The following TRIP12 variants were observed in gnomAD, a reference collection of about 807,000 sequenced individuals.
TRIP12 encodes E3 ubiquitin-protein ligase TRIP12.
A neutral mutation model predicts 244.2 loss-of-function variants in TRIP12; 25 were observed. The ratio of observed to expected loss-of-function variants is 0.10; its 90% CI spans 0.07 to 0.14. The LOEUF (loss-of-function observed/expected upper bound fraction) is 0.14. Ranked by LOEUF, TRIP12 falls within the 10% of genes least tolerant of loss-of-function variation. The probability of loss-of-function intolerance (pLI) is 1.00; values close to 1 mark genes in which losing one functional copy is unlikely to be tolerated. For synonymous variants in TRIP12, 905 were observed against 873.1 expected, an observed-to-expected ratio of 1.04 and a Z score of -0.64; for missense variants, 1,677 against 2,486.4, an observed-to-expected ratio of 0.67 and a Z score of 6.92.
intron 2 of TRIP12, among the ~76,000 whole-genome samples, chr2:229,875,267 C>A (rs1023903354): frequency 6.6e-5 from 10 of 152,064 alleles, no homozygotes; most frequent in African/African-American, 2.4e-4. Context: ...ACTCTACTTT[C>A]ATTTATCTTA....
chr2:229,784,554 A>C (rs1250622239), intron 34 of TRIP12, among the ~76,000 whole-genome samples: 1 of 151,792 alleles, frequency 6.6e-6, no homozygotes, highest in Non-Finnish European at 1.5e-5. Flanking sequence ...CAAAACTGAA[A>C]ATTTCTGCTC....
At chr2:229,908,438 T>C (rs183332713) in intron 1 of TRIP12, among the ~76,000 whole-genome samples, 1 of 152,298 alleles carries the variant, frequency 6.6e-6, no homozygotes, top group African/African-American at 2.4e-5. Flanking sequence ...GCGTAACGTC[T>C]CACAATTCAG....
chr2:229,793,188 C>T, intron 26 of TRIP12, 43 bp from the exon 27 acceptor site: 1 of 1,570,558 alleles, frequency 6.4e-7, no homozygotes, highest in Admixed American at 1.8e-5. Context: ...ATTATTTTCA[C>T]ATTTAATATA....
At chr2:229,852,491 A>G (rs1165909032) in intron 4 of TRIP12, among the ~76,000 whole-genome samples, 1 of 152,172 alleles carries the variant, frequency 6.6e-6, no homozygotes, top group African/African-American at 2.4e-5. Flanking sequence ...ATATCATTAT[A>G]TTACCCTACT....
chr2:229,840,649 C>T (rs1472787842), intron 5 of TRIP12, among the ~76,000 whole-genome samples, 173 bp downstream of exon 5: 1 of 152,070 alleles, frequency 6.6e-6, no homozygotes, highest in Non-Finnish European at 1.5e-5. Flanking sequence ...TTGCAGTGAG[C>T]CAAGATCGCG....
intron 2 of TRIP12, among the ~76,000 whole-genome samples, chr2:229,867,605 A>T (rs978024399): frequency 3.3e-5 from 5 of 152,218 alleles, no homozygotes; most frequent in Admixed American, 6.5e-5. Context: ...GTGATAAAAA[A>T]GCTTGCAGTT....
At chr2:229,815,350 G>A in intron 9 of TRIP12, 42 bp from the exon 10 acceptor site, 2 of 1,201,106 alleles carry the variant, frequency 1.7e-6, no homozygotes, top group Non-Finnish European at 2.4e-6. Flanking sequence ...ATATTCCTTG[G>A]GAAAATCCTA....
intron 2 of TRIP12, among the ~76,000 whole-genome samples, chr2:229,868,456 G>GC (rs1159482379): frequency 6.6e-6 from 1 of 152,146 alleles, no homozygotes; most frequent in Non-Finnish European, 1.5e-5. Context: ...GCCTGCTTCA[G>GC]CCTCCCAAAG....
chr2:229,856,982 T>C (rs1276604151), intron 4 of TRIP12, among the ~76,000 whole-genome samples: 2 of 152,228 alleles, frequency 1.3e-5, no homozygotes, highest in Non-Finnish European at 2.9e-5. Flanking sequence ...AAATTTTTTA[T>C]ATAGTACCTA....
At chr2:229,901,178 C>T (rs1288855961) in intron 1 of TRIP12, among the ~76,000 whole-genome samples, 1 of 151,020 alleles carries the variant, frequency 6.6e-6, no homozygotes, top group Non-Finnish European at 1.5e-5. Context: ...AGGTAATCCG[C>T]CTGCCTCACC....
intron 1 of TRIP12, among the ~76,000 whole-genome samples, chr2:229,909,721 T>C (rs1247429911): frequency 6.7e-6 from 1 of 149,886 alleles, no homozygotes; most frequent in African/African-American, 2.4e-5. Context: ...GGTATGGTGG[T>C]GTGAGCCTGT....
At chr2:229,804,453 T>C (rs78304308) in intron 18 of TRIP12, among the ~76,000 whole-genome samples, 1,766 of 152,272 alleles carry the variant, frequency 0.012, 15 homozygotes, top group Non-Finnish European at 0.016. Context: ...TAGTGACCCA[T>C]TGGGGCCAGC....
chr2:229,905,189 G>A (rs373135180), intron 1 of TRIP12, among the ~76,000 whole-genome samples: 4 of 151,522 alleles, frequency 2.6e-5, no homozygotes, highest in East Asian at 1.9e-4. Flanking sequence ...CAGGAGAATC[G>A]CCTGAACCTG....
At chr2:229,837,770 T>C (rs1452834386) in intron 5 of TRIP12, among the ~76,000 whole-genome samples, 1 of 152,228 alleles carries the variant, frequency 6.6e-6, no homozygotes, top group African/African-American at 2.4e-5. Context: ...AACTCCATTC[T>C]TTAAATTATG....
chr2:229,821,064 G>A (rs1000691257), intron 8 of TRIP12, among the ~76,000 whole-genome samples: 5 of 152,122 alleles, frequency 3.3e-5, no homozygotes, highest in Non-Finnish European at 4.4e-5. Context: ...GTTCCAAAGA[G>A]TATTAAAAAG....
chr2:229,909,557 TAAA>T (rs770353018), intron 1 of TRIP12, among the ~76,000 whole-genome samples: 4 of 121,584 alleles, frequency 3.3e-5, no homozygotes, highest in Admixed American at 8.6e-5. Context: ...AGACCTTGTC[TAAA>T]AAAAAAAAAA....
At chr2:229,795,113 TCTTA>T (rs1214396146) in intron 26 of TRIP12, 62 bp downstream of exon 26, 1 of 1,556,656 alleles carries the variant, frequency 6.4e-7, no homozygotes, top group Non-Finnish European at 8.7e-7. Context: ...CCTCTTGCCA[TCTTA>T]CTTCAGTGAA....
chr2:229,858,806 T>C lies in TRIP12; in HGVS notation c.993A>G (p.Lys331=). The change falls in exon 4 of 42, where the codon AAA becomes AAG. Residue 331 remains lysine, a synonymous_variant. Transcript: ENST00000675903. ...TGGCCTGTAATCCAGAAGGTCCAGG[T>C]TTTGATGTCTCTGACTTAGAAGACC... The part of the protein sequence containing the change: ...LPGSSKSETS[K]PGPSGLQAKL... 4 of 1,604,194 alleles carry C rather than the reference T, an allele frequency of 2.5e-6. No homozygotes were observed. The highest frequency in any genetic ancestry group is 3.4e-6 in the Non-Finnish European group (4 of 1,172,076).
chr2:229,860,639 G>T (rs1450675374), intron 2 of TRIP12, 108 bp from the exon 3 acceptor site: 3 of 1,037,150 alleles, frequency 2.9e-6, no homozygotes, highest in Admixed American at 7.1e-5. Context: ...ACAATTCATT[G>T]TTGACCCTAC....
Sources: gnomAD v4.1 joint callset for allele counts (sites outside exome capture counted in the v4.1 genomes callset) on GRCh38, gnomAD v4.1.1 for gene constraint, MANE v1.5 for transcripts, NCBI Gene and HGNC (gene_info 2026-07-23, HGNC 2026-07-21) for gene names.